Variants in UMOD observed in about 807,000 individuals in gnomAD.
UMOD encodes the protein Tamm-Horsfall urinary glycoprotein.
UMOD carries 64 observed loss-of-function variants against 66.0 expected under a neutral mutation model. The ratio of observed to expected loss-of-function variants is 0.97; its 90% CI spans 0.79 to 1.19. The LOEUF is 1.19. Among genes scored for constraint, UMOD ranks in the 50% most tolerant of loss-of-function variants. The pLI, the probability that UMOD is intolerant of heterozygous loss-of-function variation, is 0.00. For missense variants in UMOD, 764 were observed against 850.9 expected (o/e 0.90, Z 1.27); for synonymous variants, 398 against 352.7 (o/e 1.13, Z -1.44).
chr16:20,346,133 A>C lies in UMOD; in HGVS notation c.1175T>G (p.Val392Gly), dbSNP rs770437940. The C allele has an allele frequency of 1.9e-6, 3 of 1,613,836 alleles. No homozygotes were observed. In the South Asian group the frequency reaches 3.3e-5, roughly 18 times the overall value. Residue 392 changes from valine (V) to glycine (G), a missense_variant, in exon 5 of 11, where the codon GTG becomes GGG. Transcript: ENST00000396138. ...CCACTGGCCAGGACGTACCGTCAACACTGTCCCACAGGGGCCATCCCGGGC... is the reference window on the plus strand; with the variant it reads ...CCACTGGCCAGGACGTACCGTCAACCCTGTCCCACAGGGGCCATCCCGGGC... Reference protein sequence around the residue: ...TPARDGPCGTVLTRNETHATY... With the variant: ...TPARDGPCGTGLTRNETHATY...
rs200473249 is a variant in UMOD at position 20,337,351 on chromosome 16, G to A, written c.1680C>T (p.Asp560=). ...VQMFRFAGNY[D]LVYLHCEVYL... ...AGACTTCACAGTGCAGGTAGACTAG[G>A]TCATAGTTTCCAGCAAACCGGAACA... The change falls in exon 8 of 11, where the codon GAC becomes GAT. Residue 560 remains aspartate (D), a synonymous_variant. Coordinates refer to ENST00000396138, the MANE Select transcript of UMOD (RefSeq NM_003361.4). The A allele has an allele frequency of 6.2e-7, 1 of 1,614,190 alleles. No homozygotes were observed. Among genetic ancestry groups the A allele is most frequent in the South Asian group, 1.1e-5 (1 of 91,080 alleles).
chr16:20,334,044 A>G (rs1459067665), intron 10 of UMOD, among the ~76,000 whole-genome samples: 1 of 151,360 alleles, frequency 6.6e-6, no homozygotes, highest in Non-Finnish European at 1.5e-5. Flanking sequence ...AAAAAAAAAA[A>G]AAAAAAAAAA....
At chr16:20,345,400 T>TTTCTTTCTTTCTTTCTTTC (rs1555486827) in intron 5 of UMOD, among the ~76,000 whole-genome samples, 10 of 77,958 alleles carry the variant, frequency 1.3e-4, no homozygotes, top group African/African-American at 3.9e-4. Flanking sequence ...TTTTCTTTTT[T>TTTCTTTCTTTCTTTCTTTC]TTTCTTTCTT....
Position 20,346,108 on chromosome 16 carries a change from CCA to C in UMOD, c.1182+16_1182+17del, listed in dbSNP as rs1384648121. 12 of 1,611,254 alleles carry C rather than the reference CCA, an allele frequency of 7.4e-6. No homozygotes were observed. The highest frequency in any genetic ancestry group is 1.9e-4 in the Middle Eastern group (1 of 5,310). ...CCAGGCAGTGCTCTGGTTCTGTCCC[CCA>C]CTGGCCAGGACGTACCGTCAACACT... On this transcript the variant is annotated intron_variant, in intron 5 of 10. Coordinates refer to ENST00000396138, the MANE Select transcript of UMOD (RefSeq NM_003361.4).
intron 7 of UMOD, 127 bp downstream of exon 7, chr16:20,340,964 A>C (rs796078759): frequency 3.2e-5 from 37 of 1,141,810 alleles, no homozygotes; most frequent in Admixed American, 3.1e-4. Flanking sequence ...ATTGCACTCC[A>C]ACCTTGGCGA....
rs1399287073 is a variant in UMOD, at chr16:20,348,865, A to G, written c.436T>C (p.Trp146Arg). ...VCPAGYRGDGWHCECSPGSCG... is the reference protein window; with the variant it reads ...VCPAGYRGDGRHCECSPGSCG... Reference sequence around the variant, plus strand: ...GAGCCCGGGGAGCACTCACAGTGCCATCCATCCCCCCGGTAGCCCGCGGGG... The same window carrying G: ...GAGCCCGGGGAGCACTCACAGTGCCGTCCATCCCCCCGGTAGCCCGCGGGG... The change falls in exon 3 of 11, where the codon TGG (tryptophan) becomes CGG (arginine). Residue 146 changes from tryptophan (W) to arginine (R), a missense_variant. By Grantham distance (101) the Trp-to-Arg change is moderately radical. Coordinates refer to ENST00000396138, the MANE Select transcript of UMOD (RefSeq NM_003361.4). The G allele has an allele frequency of 2.6e-6, 4 of 1,549,418 alleles. No homozygotes were observed.
At chr16:20,333,972 T>A (rs1964733274) in intron 10 of UMOD, among the ~76,000 whole-genome samples, 1 of 134,968 alleles carries the variant, frequency 7.4e-6, no homozygotes, top group South Asian at 2.3e-4. Flanking sequence ...AGGCAGAGGT[T>A]ACAGTGAGCT....
In UMOD at chr16:20,336,520, G is replaced by C; in HGVS notation, c.1822+126C>G. The C allele has an allele frequency of 3.5e-6, 3 of 850,752 alleles. No homozygotes were observed. In the Admixed American group the frequency reaches 5.7e-5, roughly 16 times the overall value. The allele number at this position is 850,752 out of a possible 1,614,324, so 52.7% of individuals were successfully genotyped here. ...GCAGTCTGTATTCCACCTTGCCCCA[G>C]AGGATCCACTTGCTCCCAGTTCTTC... On this transcript the variant is annotated intron_variant, in intron 9 of 10. Coordinates refer to ENST00000396138, the MANE Select transcript of UMOD (RefSeq NM_003361.4).
At position 20,333,254 on chromosome 16, in the gene UMOD, GC is replaced by G; in HGVS notation, c.*59del. 6.6e-7 allele frequency: 1 copy of G among 1,524,970 alleles called. No individual in the cohort carries two copies. Among genetic ancestry groups the G allele is most frequent in the Non-Finnish European group, 9.0e-7 (1 of 1,106,348 alleles). 94.5% of individuals were successfully genotyped at this position (1,524,970 alleles called of 1,614,324 possible). ...TGGCTGGAGCACTGGCCCGCATCAT[GC>G]CCCCTGCCCAGCAGGAGGTGAGATG... is the stretch of plus-strand genomic sequence containing the variant. On this transcript the variant is annotated 3_prime_UTR_variant, in exon 11 of 11. Transcript: ENST00000396138.
At chr16:20,336,769 G>T in intron 8 of UMOD, 42 bp from the exon 9 acceptor site, 2 of 1,583,378 alleles carry the variant, frequency 1.3e-6, no homozygotes, top group Non-Finnish European at 1.7e-6. Flanking sequence ...CCATGAAGGA[G>T]CCTGAATGTG....
chr16:20,346,284 CCTTCATGTCAT>C lies in UMOD; in HGVS notation c.1013_1023del (p.Asn338SerfsTer22), dbSNP rs1308888534. 1.9e-6 allele frequency: 3 copies of C among 1,614,272 alleles called. No individual in the cohort carries two copies. The highest frequency in any genetic ancestry group is 1.3e-5 in the African/African-American group (1 of 75,076). ...TTCAGCTGGCACTTGCCCAGCGACACCTTCATGTCATTGGCCCCACATTCCAGCCTGTGCTC... is the reference window on the plus strand; with the variant it reads ...TTCAGCTGGCACTTGCCCAGCGACACTGGCCCCACATTCCAGCCTGTGCTC... On this transcript the variant is annotated frameshift_variant, in exon 5 of 11. Coordinates refer to ENST00000396138, the MANE Select transcript of UMOD (RefSeq NM_003361.4). LOFTEE classifies it high-confidence loss of function.
At chr16:20,344,198 GGGGGT>G in intron 5 of UMOD, 26 bp from the exon 6 acceptor site, 5 of 1,484,848 alleles carry the variant, frequency 3.4e-6, no homozygotes, top group Non-Finnish European at 4.7e-6. Context: ...GGGGTGGAGG[GGGGGT>G]GGGGATGAGA....
intron 10 of UMOD, among the ~76,000 whole-genome samples, chr16:20,334,586 C>T (rs543313883): frequency 6.6e-6 from 1 of 152,122 alleles, no homozygotes; most frequent in Non-Finnish European, 1.5e-5. Flanking sequence ...TCTGTGTGCA[C>T]ATATGTACTA....
intron 10 of UMOD, among the ~76,000 whole-genome samples, chr16:20,334,439 C>A (rs1026960671): frequency 6.6e-6 from 1 of 152,098 alleles, no homozygotes; most frequent in Non-Finnish European, 1.5e-5. Context: ...TCTGCACACA[C>A]AAATATGCAT....
chr16:20,339,160 T>C (rs1965047320), intron 7 of UMOD, among the ~76,000 whole-genome samples: 1 of 152,254 alleles, frequency 6.6e-6, no homozygotes, highest in African/African-American at 2.4e-5. Flanking sequence ...AGCTAACCTG[T>C]TTCTTAAAGC....
At chr16:20,352,834 C>T, upstream of UMOD, 3 of 915,104 alleles carry the variant, frequency 3.3e-6, no homozygotes, top group East Asian at 9.9e-5. Flanking sequence ...ATATTTTTTC[C>T]TCCTGGCATA....
At chr16:20,337,225 T>G (rs1388947582) in intron 8 of UMOD, 66 bp downstream of exon 8, 2 of 1,583,126 alleles carry the variant, frequency 1.3e-6, no homozygotes, top group Non-Finnish European at 8.7e-7. Flanking sequence ...AAATATTGAT[T>G]TGTTTTCTTT....
chr16:20,338,642 T>G (rs545289616), intron 7 of UMOD, among the ~76,000 whole-genome samples: 7 of 151,488 alleles, frequency 4.6e-5, no homozygotes, highest in Non-Finnish European at 8.8e-5. Flanking sequence ...TACAGGTGTG[T>G]GCCATCATGC....
In UMOD at chr16:20,344,197, G is replaced by C. The variant is rs199565760; in HGVS notation, c.1183-25C>G. 439 of 1,476,322 alleles carry C rather than the reference G, an allele frequency of 3.0e-4. 1 individual carries two copies. The East Asian group carries it at 7.5e-3, about 25-fold the overall frequency. The allele number at this position is 1,476,322 out of a possible 1,614,324, so 91.5% of individuals were successfully genotyped here. On this transcript the variant is annotated intron_variant, in intron 5 of 10. Coordinates refer to ENST00000396138, the MANE Select transcript of UMOD (RefSeq NM_003361.4). ...TCTGTTGCAGGGAATGGGGGTGGAG[G>C]GGGGGTGGGGATGAGAGAAAGGGGC...
Sources: gnomAD v4.1 joint callset for allele counts (sites outside exome capture counted in the v4.1 genomes callset) on GRCh38, gnomAD v4.1.1 for gene constraint, MANE v1.5 for transcripts, NCBI Gene and HGNC (gene_info 2026-07-23, HGNC 2026-07-21) for gene names.